Variants in FIP1L1 observed in about 807,000 individuals in gnomAD.
FIP1L1 encodes the protein factor interacting with PAPOLA and CPSF1, also known as pre-mRNA 3'-end-processing factor FIP1.
Under a neutral mutation model 84.6 loss-of-function variants are expected in FIP1L1, and 21 were observed. The ratio of observed to expected loss-of-function variants is 0.25; its 90% CI spans 0.18 to 0.36. FIP1L1 has a LOEUF of 0.36. Among genes scored for constraint, FIP1L1 ranks in the 10% least tolerant of loss-of-function variants. The probability of loss-of-function intolerance (pLI) is 1.00; values close to 1 mark genes in which losing one functional copy is unlikely to be tolerated. For synonymous variants in FIP1L1, 263 were observed against 242.3 expected (o/e 1.09, Z -0.80); for missense variants, 526 against 751.1 (o/e 0.70, Z 3.50).
intron 1 of FIP1L1, chr4:53,378,839 A>G: frequency 1.9e-6 from 1 of 539,478 alleles, no homozygotes; most frequent in South Asian, 2.5e-5. Flanking sequence ...CAGGTCCTTG[A>G]TGATGTGACT....
chr4:53,420,197 C>CAA (rs1166566869), intron 11 of FIP1L1, among the ~76,000 whole-genome samples: 1,598 of 17,536 alleles, frequency 0.091, 571 homozygotes, highest in Non-Finnish European at 0.099. Context: ...GACTCCGTCT[C>CAA]AAAAAAAAAA....
At chr4:53,434,078 A>G (rs1052068387) in intron 13 of FIP1L1, among the ~76,000 whole-genome samples, 1 of 151,912 alleles carries the variant, frequency 6.6e-6, no homozygotes, top group African/African-American at 2.4e-5. Context: ...AGTTCTCAAA[A>G]CTTTTTGGTT....
At chr4:53,384,646 G>A (rs1304255789) in intron 5 of FIP1L1, among the ~76,000 whole-genome samples, 1 of 152,052 alleles carries the variant, frequency 6.6e-6, no homozygotes, top group Non-Finnish European at 1.5e-5. Flanking sequence ...CTCCAATTTT[G>A]TATTCTATAA....
chr4:53,456,542 G>A (rs2150451008), intron 16 of FIP1L1, among the ~76,000 whole-genome samples: 1 of 100,050 alleles, frequency 1.0e-5, no homozygotes, highest in African/African-American at 2.7e-5. Flanking sequence ...TCTGAAGGCT[G>A]GTATTTTAGC....
At chr4:53,405,488 C>T (rs79202183) in intron 10 of FIP1L1, among the ~76,000 whole-genome samples, 84,155 of 151,260 alleles carry the variant, frequency 0.56, 25,227 homozygotes, top group Non-Finnish European at 0.67. Flanking sequence ...CTTGGCGATG[C>T]GGGCTCTTTT....
intron 11 of FIP1L1, among the ~76,000 whole-genome samples, chr4:53,423,130 A>C (rs1279785792): frequency 2.6e-5 from 4 of 152,242 alleles, no homozygotes; most frequent in African/African-American, 9.6e-5. Context: ...AATCATCAAA[A>C]TATGATAATT....
At chr4:53,428,849 C>T (rs1422659551) in intron 13 of FIP1L1, among the ~76,000 whole-genome samples, 2 of 152,100 alleles carry the variant, frequency 1.3e-5, no homozygotes, top group African/African-American at 4.8e-5. Context: ...ATGAAACTAG[C>T]AAGATTGATT....
At chr4:53,428,723 G>A (rs1385202306) in intron 13 of FIP1L1, among the ~76,000 whole-genome samples, 1 of 152,182 alleles carries the variant, frequency 6.6e-6, no homozygotes, top group East Asian at 1.9e-4. Context: ...AACCAGGTTA[G>A]TGGTGATAGA....
At chr4:53,390,925 T>C in intron 7 of FIP1L1, 84 bp from the exon 8 acceptor site, 1 of 1,136,832 alleles carries the variant, frequency 8.8e-7, no homozygotes, top group South Asian at 1.9e-5. Flanking sequence ...TCTAAATTTA[T>C]ATTTTTATAG....
chr4:53,399,865 T>TA, intron 10 of FIP1L1, 26 bp downstream of exon 10: 4 of 1,399,550 alleles, frequency 2.9e-6, no homozygotes, highest in Non-Finnish European at 4.1e-6. Flanking sequence ...ATAACTCAAT[T>TA]ACTGTACGAC....
chr4:53,381,753 CTTTTTTTTTTTT>C (rs531488760), intron 3 of FIP1L1, among the ~76,000 whole-genome samples: 32,338 of 88,816 alleles, frequency 0.36, 5,941 homozygotes, highest in Middle Eastern at 0.49. Context: ...CATTTGCATT[CTTTTTTTTTTTT>C]TTTTTTTTTT....
intron 16 of FIP1L1, 122 bp from the exon 17 acceptor site, chr4:53,458,531 T>G (rs1720707792): frequency 1.2e-6 from 1 of 868,842 alleles, no homozygotes; most frequent in African/African-American, 1.7e-5. Flanking sequence ...CTCACTAATG[T>G]TATAAAAGAT....
At chr4:53,390,328 G>C (rs1216091900) in intron 6 of FIP1L1, among the ~76,000 whole-genome samples, 193 bp from the exon 7 acceptor site, 1 of 152,120 alleles carries the variant, frequency 6.6e-6, no homozygotes, top group East Asian at 1.9e-4. Flanking sequence ...CCAGTAGCAC[G>C]TATTTTAGGC....
At position 53,378,752 on chromosome 4, in the gene FIP1L1, T is replaced by C. The variant is rs192959649; in HGVS notation, c.86-321T>C. The C allele has an allele frequency of 1.6e-3, 472 of 287,334 alleles. 2 individuals carry two copies. The highest frequency in any genetic ancestry group is 5.6e-3 in the Middle Eastern group (5 of 890). The allele number at this position is 287,334 out of a possible 1,614,324, so 17.8% of individuals were successfully genotyped here. ...TGTTAACACCAGATTTGAAAGTTAA[T>C]GTTTGTTCCTTGCCTAAAACATATA... On this transcript the variant is annotated intron_variant, in intron 1 of 17. Transcript: ENST00000337488.
intron 12 of FIP1L1, among the ~76,000 whole-genome samples, chr4:53,426,932 T>A (rs1229697450): frequency 1.3e-5 from 2 of 152,150 alleles, no homozygotes; most frequent in Non-Finnish European, 2.9e-5. Flanking sequence ...GGCCATACTT[T>A]TTTTCATTAT....
At chr4:53,387,551 C>T (rs763348989) in intron 5 of FIP1L1, among the ~76,000 whole-genome samples, 2 of 152,146 alleles carry the variant, frequency 1.3e-5, no homozygotes, top group African/African-American at 2.4e-5. Flanking sequence ...ATCAAATTTG[C>T]CTCTGCAATT....
Position 53,382,265 on chromosome 4 carries a change from T to C in FIP1L1, c.171-13T>C. On this transcript the variant is annotated splice_polypyrimidine_tract_variant and intron_variant, in intron 3 of 17. Coordinates refer to ENST00000337488, the MANE Select transcript of FIP1L1 (RefSeq NM_030917.4). ...TAATGCCTGACATGTATACTTACTT[T>C]TGTTGTTTGTAGTGCTAATCCTCCA... 1 of 1,605,836 alleles carries C rather than the reference T, an allele frequency of 6.2e-7. No homozygotes were observed. Among genetic ancestry groups the C allele is most frequent in the Non-Finnish European group, 8.5e-7 (1 of 1,172,494 alleles).
chr4:53,384,085 G>T (rs1211733588), intron 5 of FIP1L1, among the ~76,000 whole-genome samples: 2 of 152,146 alleles, frequency 1.3e-5, no homozygotes, highest in Admixed American at 1.3e-4. Context: ...AGCAGTTTTT[G>T]ATGCTGAATT....
At chr4:53,431,928 C>T (rs1025368632) in intron 13 of FIP1L1, among the ~76,000 whole-genome samples, 3 of 152,182 alleles carry the variant, frequency 2.0e-5, no homozygotes, top group African/African-American at 7.2e-5. Flanking sequence ...CACCTGCAAA[C>T]GTATATGAAA....
Sources: allele counts gnomAD v4.1 joint callset (sites outside exome capture counted in the v4.1 genomes callset), GRCh38; gene constraint gnomAD v4.1.1; transcripts MANE v1.5; gene names NCBI Gene and HGNC (gene_info 2026-07-23, HGNC 2026-07-21).